SPACA6: variants seen among roughly 807,000 people sequenced by gnomAD.
The protein encoded by SPACA6 is sperm acrosome membrane-associated protein 6.
For missense variants in SPACA6, 8 were observed against 2.8 expected (o/e 2.88, Z -1.34); for synonymous variants, 6 against 1.5 (o/e 4.05, Z -2.21).
At chr19:51,689,765 G>C (rs1166197896), upstream of SPACA6, among the ~76,000 whole-genome samples, 1 of 151,840 alleles carries the variant, frequency 6.6e-6, no homozygotes. Context: ...TGGATCCCGG[G>C]GTCCAGAATC....
chr19:51,698,522 CCT>C (rs1226815695), intron 2 of SPACA6, among the ~76,000 whole-genome samples: 1 of 151,718 alleles, frequency 6.6e-6, no homozygotes, highest in African/African-American at 2.4e-5. Flanking sequence ...AACATCCTGG[CCT>C]CTCATTTGTG....
downstream of SPACA6, among the ~76,000 whole-genome samples, chr19:51,709,379 T>C (rs1326408769): frequency 1.3e-5 from 2 of 151,052 alleles, no homozygotes; most frequent in African/African-American, 2.4e-5. Flanking sequence ...TAGCCAGGTG[T>C]GGTAACAGGT....
At chr19:51,702,508 C>G (rs900359424) in intron 3 of SPACA6, 121 bp from the exon 4 acceptor site, 1 of 395,102 alleles carries the variant, frequency 2.5e-6, no homozygotes, top group Admixed American at 4.4e-5. Context: ...CAGGTTATGA[C>G]GAAAGCTTGG....
At chr19:51,692,907 C>T, upstream of SPACA6, 1 of 531,288 alleles carries the variant, frequency 1.9e-6, no homozygotes, top group Non-Finnish European at 3.9e-6. This position sits in a 1 kb window ranked among gnomAD's most constrained non-coding sequence, Gnocchi z 5.6. Context: ...ACCCCCAGCC[C>T]CACTCAGGGA....
downstream of SPACA6, among the ~76,000 whole-genome samples, chr19:51,705,540 C>G (rs2122231107): frequency 6.6e-6 from 1 of 152,102 alleles, no homozygotes; most frequent in Admixed American, 6.5e-5. Context: ...ATTTCCAACC[C>G]TCAGACTTTT....
At chr19:51,708,241 T>G (rs1298047648), downstream of SPACA6, among the ~76,000 whole-genome samples, 1 of 151,988 alleles carries the variant, frequency 6.6e-6, no homozygotes, top group East Asian at 1.9e-4. Flanking sequence ...AGGAGCTCTA[T>G]GTAAGACGCT....
upstream of SPACA6, among the ~76,000 whole-genome samples, chr19:51,685,171 A>G (rs2083323050): frequency 6.6e-6 from 1 of 152,172 alleles, no homozygotes; most frequent in Admixed American, 6.5e-5. Context: ...AAGGGTAGGA[A>G]GTTTCTATTT....
intron 2 of SPACA6, among the ~76,000 whole-genome samples, chr19:51,698,510 C>T (rs4802841): frequency 0.13 from 19,603 of 152,150 alleles, 1,400 homozygotes; most frequent in Non-Finnish European, 0.17. Context: ...GATGACTCCT[C>T]CAACATCCTG....
chr19:51,695,788 G>C (rs955961584), intron 2 of SPACA6, among the ~76,000 whole-genome samples: 5 of 152,226 alleles, frequency 3.3e-5, no homozygotes, highest in African/African-American at 1.2e-4. Flanking sequence ...AGAAGAGGCT[G>C]GGTGAGGGTC....
chr19:51,708,585 G>A (rs1395353385), downstream of SPACA6, among the ~76,000 whole-genome samples: 1 of 152,148 alleles, frequency 6.6e-6, no homozygotes, highest in East Asian at 1.9e-4. Flanking sequence ...CCAACACTTT[G>A]GGAGGCCGAG....
chr19:51,690,335 C>T (rs1476333794), upstream of SPACA6, among the ~76,000 whole-genome samples: 3 of 152,234 alleles, frequency 2.0e-5, no homozygotes, highest in East Asian at 5.8e-4. Context: ...AACCTCAGCC[C>T]CTCTTCCCAA....
intron 2 of SPACA6, among the ~76,000 whole-genome samples, chr19:51,710,392 A>G (rs972697921): frequency 2.6e-5 from 4 of 152,214 alleles, no homozygotes; most frequent in African/African-American, 9.7e-5. Flanking sequence ...GGTAGTGGCT[A>G]GTGATGGACA....
intron 2 of SPACA6, among the ~76,000 whole-genome samples, chr19:51,697,425 G>A (rs563648662): frequency 9.9e-5 from 15 of 152,256 alleles, no homozygotes; most frequent in South Asian, 4.1e-4. Flanking sequence ...TTGCCCATGC[G>A]TGCAAAAGGC....
At chr19:51,710,144 T>C (rs901618216), downstream of SPACA6, among the ~76,000 whole-genome samples, 1 of 152,238 alleles carries the variant, frequency 6.6e-6, no homozygotes, top group Non-Finnish European at 1.5e-5. Context: ...TAACATTACA[T>C]AGTTCCTGCT....
upstream of SPACA6, among the ~76,000 whole-genome samples, chr19:51,689,762 C>T (rs1237592124): frequency 6.6e-6 from 1 of 150,906 alleles, no homozygotes; most frequent in African/African-American, 2.4e-5. Flanking sequence ...ACCTGGATCC[C>T]GGGGTCCAGA....
intron 2 of SPACA6, among the ~76,000 whole-genome samples, chr19:51,710,780 G>A (rs1382585029): frequency 6.6e-6 from 1 of 152,176 alleles, no homozygotes; most frequent in Non-Finnish European, 1.5e-5. Flanking sequence ...GGTAGCTGTG[G>A]CTTCCTGAAA....
At chr19:51,691,938 GCCCCCTCAC>G (rs1395539770), upstream of SPACA6, among the ~76,000 whole-genome samples, 1 of 152,128 alleles carries the variant, frequency 6.6e-6, no homozygotes, top group Non-Finnish European at 1.5e-5. Context: ...CTGAGGCTCA[GCCCCCTCAC>G]CTGCCAAATG....
intron 2 of SPACA6, among the ~76,000 whole-genome samples, chr19:51,711,233 A>G (rs2083539865): frequency 1.3e-5 from 2 of 152,200 alleles, no homozygotes; most frequent in Admixed American, 1.3e-4. Flanking sequence ...AGCAGTTTCT[A>G]TGGAGAGCTA....
chr19:51,700,911 T>TGTG (rs1419236667), intron 2 of SPACA6, among the ~76,000 whole-genome samples: 5 of 151,972 alleles, frequency 3.3e-5, no homozygotes, highest in Admixed American at 2.6e-4. Context: ...TGCTAGGGAA[T>TGTG]GTGGTGGTTT....
Sources: allele counts gnomAD v4.1 joint callset (sites outside exome capture counted in the v4.1 genomes callset), GRCh38; gene constraint gnomAD v4.1.1; non-coding constraint Gnocchi (gnomAD v3.1); transcripts MANE v1.5; gene names NCBI Gene and HGNC (gene_info 2026-07-23, HGNC 2026-07-21).